Variants in PPM1L observed in about 807,000 individuals in gnomAD.
PPM1L encodes the protein protein phosphatase 1L.
PPM1L carries 13 observed loss-of-function variants against 31.4 expected under a neutral mutation model. That is an observed-to-expected ratio of 0.41 (90% CI 0.27 to 0.66). The LOEUF is 0.66. Among genes scored for constraint, PPM1L ranks in the 30% least tolerant of loss-of-function variants. The probability of loss-of-function intolerance (pLI) is 0.29; values close to 1 mark genes in which losing one functional copy is unlikely to be tolerated. For synonymous variants in PPM1L, 184 were observed against 175.4 expected, an observed-to-expected ratio of 1.05 and a Z score of -0.39; for missense variants, 326 against 453.7, an observed-to-expected ratio of 0.72 and a Z score of 2.56.
rs1720104939 is a variant in PPM1L, at chr3:161,076,573, C to T, written c.*7416C>T. 6.6e-6 allele frequency: 1 copy of T among 152,044 alleles called. No individual in the cohort carries two copies. Among genetic ancestry groups the T allele is most frequent in the South Asian group, 2.1e-4 (1 of 4,822 alleles). The allele number at this position is 152,044 out of a possible 1,614,324, so 9.4% of individuals were successfully genotyped here. ...CATTAACATCTACAATATTGTCTTT[C>T]AGTTTACTCTTCAATTACTAAAGCA... On this transcript the variant is annotated 3_prime_UTR_variant, in exon 4 of 4. Transcript: ENST00000498165.
chr3:161,067,101 G>C (rs1031401525), intron 3 of PPM1L, among the ~76,000 whole-genome samples: 1 of 152,146 alleles, frequency 6.6e-6, no homozygotes, highest in African/African-American at 2.4e-5. Flanking sequence ...TTAAGACACA[G>C]TTAGCTCAGT....
intron 2 of PPM1L, among the ~76,000 whole-genome samples, chr3:160,970,447 AT>A (rs1242719344): frequency 4.0e-3 from 85 of 21,406 alleles, no homozygotes; most frequent in Admixed American, 0.011. Context: ...CAAGCTGAAT[AT>A]TTTTTTTTTT....
chr3:160,946,374 C>G (rs191482410), intron 1 of PPM1L, among the ~76,000 whole-genome samples: 2 of 152,210 alleles, frequency 1.3e-5, no homozygotes, highest in Admixed American at 6.6e-5. Context: ...AGCACAGTAC[C>G]TGGTACATAG....
At chr3:160,769,992 G>T (rs181821521) in intron 1 of PPM1L, among the ~76,000 whole-genome samples, 77 of 152,056 alleles carry the variant, frequency 5.1e-4, no homozygotes, top group African/African-American at 1.7e-3. Context: ...TGAGGATGAA[G>T]TACTTATCCT....
In PPM1L at chr3:161,025,899, T is replaced by C. The variant is rs145622979; in HGVS notation, c.575-39504T>C. On this transcript the variant is annotated intron_variant, in intron 2 of 3. Coordinates refer to ENST00000498165, the MANE Select transcript of PPM1L (RefSeq NM_139245.4). The stretch of plus-strand genomic sequence containing the variant: ...TTCCATGTATTTTCTTATAATAATA[T>C]TTTAAAGATCTAAAGCAAATAAAGT... 3.3e-5 allele frequency among the ~76,000 whole-genome samples: 5 copies of C among 152,324 alleles called. No homozygotes were observed. In the East Asian group the frequency reaches 9.6e-4, roughly 29 times the overall value.
At chr3:160,769,910 G>A (rs937856528) in intron 1 of PPM1L, among the ~76,000 whole-genome samples, 7 of 152,132 alleles carry the variant, frequency 4.6e-5, no homozygotes, top group Admixed American at 4.6e-4. Context: ...AATGGTCTAG[G>A]CTACAGTGAG....
At chr3:160,914,558 C>T (rs566615867) in intron 1 of PPM1L, among the ~76,000 whole-genome samples, 21 of 150,826 alleles carry the variant, frequency 1.4e-4, no homozygotes, top group South Asian at 1.3e-3. Context: ...TCTGTCCTTG[C>T]GATAGTTTGC....
chr3:160,812,040 C>T (rs1712824416), intron 1 of PPM1L, among the ~76,000 whole-genome samples: 1 of 152,172 alleles, frequency 6.6e-6, no homozygotes, highest in Admixed American at 6.5e-5. Flanking sequence ...TTCTCTAGAG[C>T]TGGCTTCTGC....
chr3:161,017,606 T>C (rs575765920), intron 2 of PPM1L, among the ~76,000 whole-genome samples: 59 of 152,242 alleles, frequency 3.9e-4, no homozygotes, highest in Non-Finnish European at 7.2e-4. Context: ...AGCCCAGAAT[T>C]GTCGTGGGAG....
At chr3:160,792,070 A>G (rs1712123574) in intron 1 of PPM1L, among the ~76,000 whole-genome samples, 1 of 152,148 alleles carries the variant, frequency 6.6e-6, no homozygotes, top group Non-Finnish European at 1.5e-5. Flanking sequence ...TAATGTCAGC[A>G]TGCACCCAGG....
At chr3:160,861,065 G>T (rs1206227009) in intron 1 of PPM1L, among the ~76,000 whole-genome samples, 1 of 152,160 alleles carries the variant, frequency 6.6e-6, no homozygotes, top group African/African-American at 2.4e-5. Flanking sequence ...GTAGAAAGAG[G>T]TTTTTCATAT....
At chr3:161,057,567 C>A (rs1559939896) in intron 2 of PPM1L, among the ~76,000 whole-genome samples, 3 of 152,060 alleles carry the variant, frequency 2.0e-5, no homozygotes, top group Admixed American at 6.6e-5. Context: ...CCAGATTTGA[C>A]CAACAGCTGC....
intron 2 of PPM1L, among the ~76,000 whole-genome samples, chr3:161,037,997 G>A (rs1266767005): frequency 6.6e-6 from 1 of 151,834 alleles, no homozygotes; most frequent in Non-Finnish European, 1.5e-5. Context: ...ACTTTGGGAG[G>A]CCGAGGCGGG....
At chr3:160,771,416 A>T (rs113263991) in intron 1 of PPM1L, among the ~76,000 whole-genome samples, 2,499 of 150,588 alleles carry the variant, frequency 0.017, 65 homozygotes, top group African/African-American at 0.057. Flanking sequence ...TTTTTATTTT[A>T]TTTTTTTGTA....
chr3:160,934,359 T>C (rs763007033), intron 1 of PPM1L, among the ~76,000 whole-genome samples: 2 of 152,246 alleles, frequency 1.3e-5, no homozygotes, highest in African/African-American at 2.4e-5. Flanking sequence ...GTTTGCTTGC[T>C]CAGTCTTCTG....
Position 160,827,783 on chromosome 3 carries a change from G to A in PPM1L, c.399+71076G>A, listed in dbSNP as rs1576657460. Among the ~76,000 whole-genome samples, 3 of 152,050 alleles carry A rather than the reference G, an allele frequency of 2.0e-5. No individual in the cohort carries two copies. The South Asian group carries it at 6.2e-4, about 32-fold the overall frequency. On this transcript the variant is annotated intron_variant, in intron 1 of 3. Transcript: ENST00000498165. Reference sequence around the variant, plus strand: ...AGGCCATTCTTGCATTGTGATAAAGGAATACTGGAGGCTAGGTAATTTATA... The same window carrying A: ...AGGCCATTCTTGCATTGTGATAAAGAAATACTGGAGGCTAGGTAATTTATA...
chr3:160,994,219 A>G (rs1053657779), intron 2 of PPM1L, among the ~76,000 whole-genome samples: 1 of 152,158 alleles, frequency 6.6e-6, no homozygotes, highest in Admixed American at 6.5e-5. Context: ...CAAGTTGAAG[A>G]GGCTGAAGAA....
At chr3:160,966,272 A>G (rs1207641929) in intron 2 of PPM1L, among the ~76,000 whole-genome samples, 1 of 152,132 alleles carries the variant, frequency 6.6e-6, no homozygotes, top group Admixed American at 6.6e-5. Context: ...CTGACTTAAA[A>G]TGTTATACTT....
At chr3:160,817,805 G>C (rs1713041890) in intron 1 of PPM1L, among the ~76,000 whole-genome samples, 1 of 152,004 alleles carries the variant, frequency 6.6e-6, no homozygotes, top group African/African-American at 2.4e-5. Flanking sequence ...TGAAGGGATG[G>C]TTTGAAGGAG....
Sources: gnomAD v4.1 joint callset for allele counts (sites outside exome capture counted in the v4.1 genomes callset) on GRCh38, gnomAD v4.1.1 for gene constraint, MANE v1.5 for transcripts, NCBI Gene and HGNC (gene_info 2026-07-23, HGNC 2026-07-21) for gene names.